The following SLC26A5 variants were observed in gnomAD, a reference collection of about 807,000 sequenced individuals.
SLC26A5 encodes the protein solute carrier family 26 member 5.
Under a neutral mutation model 81.0 loss-of-function variants are expected in SLC26A5, and 51 were observed. The observed-to-expected ratio is 0.63, with a 90% confidence interval of 0.50 to 0.80. The LOEUF (loss-of-function observed/expected upper bound fraction) is 0.80. Ranked by LOEUF, SLC26A5 falls within the 30% of genes least tolerant of loss-of-function variation. The pLI, the probability that SLC26A5 is intolerant of heterozygous loss-of-function variation, is 0.00. For synonymous variants in SLC26A5, 325 were observed against 332.8 expected, an observed-to-expected ratio of 0.98 and a Z score of 0.25; for missense variants, 771 against 905.8, an observed-to-expected ratio of 0.85 and a Z score of 1.91.
chr7:103,441,374 TAAG>T (rs1826867632), intron 2 of SLC26A5, among the ~76,000 whole-genome samples: 3 of 152,210 alleles, frequency 2.0e-5, no homozygotes. Flanking sequence ...ACTCTAAATT[TAAG>T]AAGAATTTTC....
intron 2 of SLC26A5, among the ~76,000 whole-genome samples, chr7:103,429,454 G>A (rs958930622): frequency 3.3e-5 from 5 of 152,172 alleles, no homozygotes; most frequent in Non-Finnish European, 1.5e-5. Context: ...GCAACAGGAT[G>A]TGAACTTTTC....
At position 103,362,128 on chromosome 7, in the gene SLC26A5, A is replaced by C. The variant is rs759526802; in HGVS notation, c.2042-9202T>G. ...TACAATAAATACTTTTCTTTCACTAAGGATACTGTCTCACATTCATATCCT... is the reference window on the plus strand; with the variant it reads ...TACAATAAATACTTTTCTTTCACTACGGATACTGTCTCACATTCATATCCT... On this transcript the variant is annotated intron_variant, in intron 19 of 19. Coordinates refer to the SLC26A5 transcript ENST00000339444. The C allele has an allele frequency of 3.1e-6, 5 of 1,608,948 alleles. No individual in the cohort carries two copies. In the Admixed American group the frequency reaches 8.6e-5, roughly 28 times the overall value.
chr7:103,376,509 A>G (rs949007316), intron 19 of SLC26A5, among the ~76,000 whole-genome samples: 1 of 152,232 alleles, frequency 6.6e-6, no homozygotes, highest in Admixed American at 6.5e-5. Flanking sequence ...GATAATTGCT[A>G]CTGTGGTCAT....
In SLC26A5 at chr7:103,411,597, G is replaced by T. The variant is rs1395709042; in HGVS notation, c.404-11C>A. 1 of 1,614,048 alleles carries T rather than the reference G, an allele frequency of 6.2e-7. No homozygotes were observed. Among genetic ancestry groups the T allele is most frequent in the Non-Finnish European group, 8.5e-7 (1 of 1,179,954 alleles). Reference sequence around the variant, plus strand: ...TAACAGCAAAAGGACCTGAAATAATGAAGCATGAAGATCCCTGTTCAGGGT... The same window carrying T: ...TAACAGCAAAAGGACCTGAAATAATTAAGCATGAAGATCCCTGTTCAGGGT... On this transcript the variant is annotated splice_polypyrimidine_tract_variant and intron_variant, in intron 5 of 19. Coordinates refer to ENST00000306312, the MANE Select transcript of SLC26A5 (RefSeq NM_198999.3).
intron 14 of SLC26A5, among the ~76,000 whole-genome samples, chr7:103,386,470 G>C (rs1333573215): frequency 6.6e-6 from 1 of 151,890 alleles, no homozygotes; most frequent in Non-Finnish European, 1.5e-5. Flanking sequence ...AGGAGGCTGA[G>C]GCAGAAGACT....
chr7:103,364,714 C>G (rs904789929), intron 19 of SLC26A5, among the ~76,000 whole-genome samples: 1 of 151,982 alleles, frequency 6.6e-6, no homozygotes, highest in Admixed American at 6.6e-5. Flanking sequence ...GGCCTGAGAC[C>G]TGAAATTTCT....
chr7:103,364,529 C>T (rs1820588701), intron 19 of SLC26A5, among the ~76,000 whole-genome samples: 1 of 152,144 alleles, frequency 6.6e-6, no homozygotes, highest in Non-Finnish European at 1.5e-5. Context: ...CCCATCTCAG[C>T]CTCTCAGGTA....
At chr7:103,396,116 G>A (rs1201296642) in intron 9 of SLC26A5, among the ~76,000 whole-genome samples, 1 of 152,192 alleles carries the variant, frequency 6.6e-6, no homozygotes, top group East Asian at 1.9e-4. Context: ...CAGCTAGTAC[G>A]TGGCAGGCTA....
intron 8 of SLC26A5, among the ~76,000 whole-genome samples, chr7:103,407,432 C>A (rs1298577060): frequency 6.6e-6 from 1 of 152,122 alleles, no homozygotes; most frequent in African/African-American, 2.4e-5. Flanking sequence ...ATAAGTGGAA[C>A]TGTGAGGTAT....
At chr7:103,412,542 G>GTTTTTTTT (rs1244758241) in intron 5 of SLC26A5, among the ~76,000 whole-genome samples, 6 of 121,644 alleles carry the variant, frequency 4.9e-5, no homozygotes, top group South Asian at 2.6e-4. Context: ...GAGGAGTGTA[G>GTTTTTTTT]TTTTTTTTTT....
chr7:103,391,834 A>C (rs889525753), intron 10 of SLC26A5, 99 bp from the exon 11 acceptor site: 8 of 885,380 alleles, frequency 9.0e-6, no homozygotes, highest in African/African-American at 5.0e-5. Context: ...ACTACAGCCT[A>C]TCTCTTCATT....
At chr7:103,399,439 G>A (rs1554584016) in intron 8 of SLC26A5, among the ~76,000 whole-genome samples, 1 of 152,072 alleles carries the variant, frequency 6.6e-6, no homozygotes, top group Non-Finnish European at 1.5e-5. Flanking sequence ...AGGTTCTAAT[G>A]CCATGTAGAC....
rs748168710 is a variant in SLC26A5 at position 103,420,771 on chromosome 7, C to T, written c.259G>A (p.Gly87Ser). Residue 87 changes from glycine to serine, a missense_variant, in exon 4 of 20, where the codon GGC (glycine) becomes AGC (serine). Transcript: ENST00000306312. ...AGCTGAAGCACCCCTGTGCTTATGC[C>T]TGAGACCAAGTCACCCAACACATAT... ...KEYVLGDLVSGISTGVLQLPQ... is the reference protein window; with the variant it reads ...KEYVLGDLVSSISTGVLQLPQ... 6.2e-7 allele frequency: 1 copy of T among 1,614,116 alleles called. No homozygotes were observed. Among genetic ancestry groups the T allele is most frequent in the African/African-American group, 1.3e-5 (1 of 75,036 alleles).
chr7:103,374,182 A>G (rs1821174870), downstream of SLC26A5: 1 of 1,353,824 alleles, frequency 7.4e-7, no homozygotes, highest in Non-Finnish European at 9.5e-7. Flanking sequence ...ATGTCTCTCC[A>G]TAATAAATGC....
At chr7:103,390,100 GA>G (rs1822525295) in intron 12 of SLC26A5, among the ~76,000 whole-genome samples, 1 of 152,132 alleles carries the variant, frequency 6.6e-6, no homozygotes, top group Admixed American at 6.6e-5. Flanking sequence ...AATGTCTTAT[GA>G]ATGTAGACCA....
In SLC26A5 at chr7:103,410,039, A is replaced by G. The variant is rs189319987; in HGVS notation, c.735+346T>C. ...GCAGTTTTTGAGAGAGAAATGTTCT[A>G]CCTTCATGCCTTTAAATTATTTGTT... On this transcript the variant is annotated intron_variant, in intron 7 of 19. Transcript: ENST00000306312. Among the ~76,000 whole-genome samples, 44 of 152,266 alleles carry G rather than the reference A, an allele frequency of 2.9e-4. No homozygotes were observed. In the East Asian group the frequency reaches 8.1e-3, roughly 28 times the overall value.
At chr7:103,423,938 G>C (rs1562798127) in intron 2 of SLC26A5, among the ~76,000 whole-genome samples, 1 of 152,026 alleles carries the variant, frequency 6.6e-6, no homozygotes, top group Non-Finnish European at 1.5e-5. Flanking sequence ...AGCTCTTTAG[G>C]GCCACTCTAG....
chr7:103,382,386 G>A (rs1363018408), intron 14 of SLC26A5, among the ~76,000 whole-genome samples: 1 of 109,752 alleles, frequency 9.1e-6, no homozygotes, highest in East Asian at 2.6e-4. Flanking sequence ...GTCTTATCCT[G>A]TTGCCCAGGC....
At chr7:103,393,182 G>T in intron 9 of SLC26A5, 116 bp from the exon 10 acceptor site, 1 of 1,252,918 alleles carries the variant, frequency 8.0e-7, no homozygotes, top group Non-Finnish European at 1.1e-6. Context: ...AGTAATCAAT[G>T]CTTGGATACT....
Sources: gnomAD v4.1 joint callset for allele counts (sites outside exome capture counted in the v4.1 genomes callset) on GRCh38, gnomAD v4.1.1 for gene constraint, MANE v1.5 for transcripts, NCBI Gene and HGNC (gene_info 2026-07-23, HGNC 2026-07-21) for gene names.